Variants in CPSF4 observed in about 807,000 individuals in gnomAD.
CPSF4 encodes cleavage and polyadenylation specificity factor subunit 4.
CPSF4 carries 11 observed loss-of-function variants against 37.7 expected under a neutral mutation model. The ratio of observed to expected loss-of-function variants is 0.29; its 90% CI spans 0.18 to 0.48. CPSF4 has a LOEUF of 0.48. CPSF4 is among the 20% of genes least tolerant of loss of function. The pLI, the probability that CPSF4 is intolerant of heterozygous loss-of-function variation, is 0.99. For missense variants in CPSF4, 144 were observed against 359.5 expected, an observed-to-expected ratio of 0.40 and a Z score of 4.85; for synonymous variants, 132 against 135.9, an observed-to-expected ratio of 0.97 and a Z score of 0.20.
chr7:99,451,165 A>C, intron 5 of CPSF4: 1 of 177,938 alleles, frequency 5.6e-6, no homozygotes, highest in Non-Finnish European at 1.2e-5. Flanking sequence ...GGCTCAGGAA[A>C]CCCTGAGCTT....
At chr7:99,449,712 T>G (rs1797801905) in intron 3 of CPSF4, among the ~76,000 whole-genome samples, 1 of 152,100 alleles carries the variant, frequency 6.6e-6, no homozygotes, top group East Asian at 1.9e-4. Context: ...TTGTGACAAG[T>G]GCTTTGAAGG....
chr7:99,450,493 G>A, intron 4 of CPSF4, 122 bp downstream of exon 4: 1 of 771,366 alleles, frequency 1.3e-6, no homozygotes, highest in Non-Finnish European at 2.2e-6. Flanking sequence ...GCAGCTAGCG[G>A]CTTTCTCACA....
chr7:99,451,213 G>C (rs1032983147), intron 5 of CPSF4: 1 of 162,004 alleles, frequency 6.2e-6, no homozygotes, highest in East Asian at 1.8e-4. Flanking sequence ...CTAACAGTGA[G>C]GGTAGGAGAG....
At chr7:99,449,594 C>T (rs748142753) in intron 3 of CPSF4, among the ~76,000 whole-genome samples, 3 of 152,242 alleles carry the variant, frequency 2.0e-5, no homozygotes, top group African/African-American at 2.4e-5. Flanking sequence ...CCTTTCCAGG[C>T]ACTGGAGGGA....
At chr7:99,442,900 G>A (rs746213942) in intron 1 of CPSF4, 7 of 1,319,194 alleles carry the variant, frequency 5.3e-6, no homozygotes, top group South Asian at 2.4e-5. Context: ...ATGCCAAAGC[G>A]CTCTGCTCTT....
intron 1 of CPSF4, among the ~76,000 whole-genome samples, chr7:99,439,929 T>C (rs1796737517): frequency 6.6e-6 from 1 of 152,158 alleles, no homozygotes; most frequent in Non-Finnish European, 1.5e-5. Flanking sequence ...ACCCAGCAGC[T>C]GGTGTGGACC....
intron 1 of CPSF4, among the ~76,000 whole-genome samples, chr7:99,440,665 T>TG (rs1796842535): frequency 9.5e-6 from 1 of 105,626 alleles, no homozygotes; most frequent in African/African-American, 6.7e-5. Flanking sequence ...CATATATATA[T>TG]ATATATATAT....
chr7:99,455,413 AG>A (rs1236956185), intron 7 of CPSF4, among the ~76,000 whole-genome samples: 1 of 152,222 alleles, frequency 6.6e-6, no homozygotes, highest in African/African-American at 2.4e-5. Flanking sequence ...TTGAAAACAC[AG>A]GGACAGCTGG....
Position 99,439,011 on chromosome 7 carries a change from G to A in CPSF4, c.-72G>A, listed in dbSNP as rs1172476939. ...AAGGAGGAGTGTGTGCGGCGGGGCC[G>A]GCGGCGGGTAAAGGCGAGAAGGCTG... On this transcript the variant is annotated 5_prime_UTR_variant, in exon 1 of 8. Coordinates refer to ENST00000292476, the MANE Select transcript of CPSF4 (RefSeq NM_006693.4). 3 of 1,436,780 alleles carry A rather than the reference G, an allele frequency of 2.1e-6. No individual in the cohort carries two copies. Among genetic ancestry groups the A allele is most frequent in the Admixed American group, 5.1e-5 (2 of 39,424 alleles). The allele number at this position is 1,436,780 out of a possible 1,614,324, so 89.0% of individuals were successfully genotyped here.
Position 99,452,601 on chromosome 7 carries a change from T to C in CPSF4, c.570+161T>C. On this transcript the variant is annotated intron_variant, in intron 6 of 7. Transcript: ENST00000292476. ...AAGAAAAGTCAGGAGCAAAGCCGTG[T>C]ATATCTCCCTCGAGAGACGGAGGGC... is the stretch of plus-strand genomic sequence containing the variant. 5 of 642,322 alleles carry C rather than the reference T, an allele frequency of 7.8e-6. No individual in the cohort carries two copies. In the South Asian group the frequency reaches 8.9e-5, roughly 11 times the overall value. 39.8% of individuals were successfully genotyped at this position (642,322 alleles called of 1,614,324 possible). A position where few individuals can be genotyped will look rare whatever the true frequency, so the allele number is the denominator to read the frequency against.
intron 1 of CPSF4, among the ~76,000 whole-genome samples, 173 bp from the exon 2 acceptor site, chr7:99,444,616 T>A (rs1262405970): frequency 6.6e-6 from 1 of 152,202 alleles, no homozygotes; most frequent in Non-Finnish European, 1.5e-5. Context: ...GTGACTAACT[T>A]AAGCAGCTTC....
intron 1 of CPSF4, among the ~76,000 whole-genome samples, chr7:99,439,826 C>T (rs1236049980): frequency 6.6e-6 from 1 of 152,112 alleles, no homozygotes; most frequent in Non-Finnish European, 1.5e-5. Context: ...GACTCTCAAA[C>T]TCCCTTCTAG....
At chr7:99,454,843 A>G (rs1203087291) in intron 7 of CPSF4, among the ~76,000 whole-genome samples, 2 of 152,156 alleles carry the variant, frequency 1.3e-5, no homozygotes, top group South Asian at 4.1e-4. Context: ...TTCTCAACCC[A>G]AGGCGCACAC....
intron 7 of CPSF4, among the ~76,000 whole-genome samples, chr7:99,455,072 G>C (rs1015013794): frequency 6.6e-6 from 1 of 152,124 alleles, no homozygotes. Context: ...AAATAAAAGA[G>C]CATGGAAGTG....
At chr7:99,454,759 T>C (rs1393880632) in intron 7 of CPSF4, among the ~76,000 whole-genome samples, 1 of 152,188 alleles carries the variant, frequency 6.6e-6, no homozygotes, top group Non-Finnish European at 1.5e-5. Context: ...AGTTTTCTAA[T>C]CTAAAATCGC....
chr7:99,453,950 G>C lies in CPSF4; in HGVS notation c.571-16G>C. The stretch of plus-strand genomic sequence containing the variant: ...GTGTTTTCCACAGTAAAACCGTGTT[G>C]TGTAACTCTTTCCAGCAAAGTAACA... On this transcript the variant is annotated splice_polypyrimidine_tract_variant and intron_variant, in intron 6 of 7. Transcript: ENST00000292476. The surrounding 1 kb of genome is among the most constrained non-coding windows in gnomAD (Gnocchi z 4.7). The C allele has an allele frequency of 1.2e-6, 2 of 1,613,266 alleles. No homozygotes were observed. Among genetic ancestry groups the C allele is most frequent in the Non-Finnish European group, 1.7e-6 (2 of 1,179,376 alleles).
Position 99,444,777 on chromosome 7 carries a change from T to C in CPSF4, c.104-12T>C. On this transcript the variant is annotated splice_polypyrimidine_tract_variant and intron_variant, in intron 1 of 7. Coordinates refer to ENST00000292476, the MANE Select transcript of CPSF4 (RefSeq NM_006693.4). ...CCTCTTTGATTCCTCTCCTTTTCTC[T>C]CCTTTCTACAGAGTCGGGCGCTGCT... is the stretch of plus-strand genomic sequence containing the variant. 1 of 1,612,908 alleles carries C rather than the reference T, an allele frequency of 6.2e-7. No homozygotes were observed. The highest frequency in any genetic ancestry group is 8.5e-7 in the Non-Finnish European group (1 of 1,179,204).
intron 2 of CPSF4, among the ~76,000 whole-genome samples, chr7:99,445,464 A>G (rs1298112347): frequency 6.6e-6 from 1 of 152,014 alleles, no homozygotes; most frequent in Non-Finnish European, 1.5e-5. Context: ...CACGAGCAAG[A>G]CATTCATTCT....
At position 99,439,354 on chromosome 7, in the gene CPSF4, C is replaced by T. The variant is rs1428648017; in HGVS notation, c.103+169C>T. 3.9e-5 allele frequency: 21 copies of T among 532,734 alleles called. No homozygotes were observed. The South Asian group carries it at 4.3e-4, about 11-fold the overall frequency. 33.0% of individuals were successfully genotyped at this position (532,734 alleles called of 1,614,324 possible). A position where few individuals can be genotyped will look rare whatever the true frequency, so the allele number is the denominator to read the frequency against. On this transcript the variant is annotated intron_variant, in intron 1 of 7. Coordinates refer to ENST00000292476, the MANE Select transcript of CPSF4 (RefSeq NM_006693.4). The stretch of plus-strand genomic sequence containing the variant: ...ACTCCTCCCTCTAGGTCTTGAGAGT[C>T]CCTCCCACCTCCTCCGGGTCCTGGG...
Sources: allele counts gnomAD v4.1 joint callset (sites outside exome capture counted in the v4.1 genomes callset), GRCh38; gene constraint gnomAD v4.1.1; non-coding constraint Gnocchi (gnomAD v3.1); transcripts MANE v1.5; gene names NCBI Gene and HGNC (gene_info 2026-07-23, HGNC 2026-07-21).